The following P4HA1 variants were observed in gnomAD, a reference collection of about 807,000 sequenced individuals.
P4HA1 encodes the protein prolyl 4-hydroxylase subunit alpha-1.
A neutral mutation model predicts 72.8 loss-of-function variants in P4HA1; 24 were observed. That is an observed-to-expected ratio of 0.33 (90% CI 0.24 to 0.46). The LOEUF is 0.46. Among genes scored for constraint, P4HA1 ranks in the 20% least tolerant of loss-of-function variants. P4HA1 has a pLI of 1.00. For synonymous variants in P4HA1, 201 were observed against 218.8 expected, an observed-to-expected ratio of 0.92 and a Z score of 0.72; for missense variants, 446 against 640.6, an observed-to-expected ratio of 0.70 and a Z score of 3.28.
chr10:73,041,729 T>C lies in P4HA1; in HGVS notation c.1148+3252A>G, dbSNP rs889342500. 2.6e-5 allele frequency among the ~76,000 whole-genome samples: 4 copies of C among 152,128 alleles called. No individual in the cohort carries two copies. The East Asian group carries it at 7.7e-4, about 29-fold the overall frequency. Reference sequence around the variant, plus strand: ...CCCCCAGTTTATTACCATTAGATCATATCCCCTTTGTTCATCATACTTCTG... The same window carrying C: ...CCCCCAGTTTATTACCATTAGATCACATCCCCTTTGTTCATCATACTTCTG... On this transcript the variant is annotated intron_variant, in intron 9 of 14. Transcript: ENST00000394890.
chr10:73,077,315 AAG>A (rs1293813010), intron 1 of P4HA1, among the ~76,000 whole-genome samples: 1 of 152,234 alleles, frequency 6.6e-6, no homozygotes, highest in African/African-American at 2.4e-5. Context: ...TAACTCTGAT[AAG>A]AGAGTTTAGA....
chr10:73,043,991 C>T lies in P4HA1; in HGVS notation c.1148+990G>A, dbSNP rs770234279. On this transcript the variant is annotated intron_variant, in intron 9 of 14. Coordinates refer to ENST00000394890, the MANE Select transcript of P4HA1 (RefSeq NM_001017962.3). ...AAAGAGAAAGGACAAGGACTTACTC[C>T]AGTAGCAGGCAATTTTGGGCTTTTT... The T allele has an allele frequency of 2.6e-6, 4 of 1,515,974 alleles. No homozygotes were observed. The South Asian group carries it at 4.6e-5, about 17-fold the overall frequency. 93.9% of individuals were successfully genotyped at this position (1,515,974 alleles called of 1,614,324 possible). A position where few individuals can be genotyped will look rare whatever the true frequency, so the allele number is the denominator to read the frequency against.
At chr10:73,044,660 C>A (rs1840811086) in intron 9 of P4HA1, among the ~76,000 whole-genome samples, 1 of 152,136 alleles carries the variant, frequency 6.6e-6, no homozygotes, top group South Asian at 2.1e-4. Context: ...TGCTTTATTT[C>A]CCCCTTTGGC....
At position 73,078,714 on chromosome 10, in the gene P4HA1, C is replaced by T. The variant is rs553064842; in HGVS notation, c.-32-3799G>A. On this transcript the variant is annotated intron_variant, in intron 1 of 14. Coordinates refer to ENST00000394890, the MANE Select transcript of P4HA1 (RefSeq NM_001017962.3). The stretch of plus-strand genomic sequence containing the variant: ...GCAACCTCCGCCTCCCGGGTTCAAG[C>T]GATTCTCCTGCTTCAGCCTCCCAAG... Among the ~76,000 whole-genome samples, 23 of 146,434 alleles carry T rather than the reference C, an allele frequency of 1.6e-4. No individual in the cohort carries two copies. In the South Asian group the frequency reaches 4.9e-3, roughly 31 times the overall value.
chr10:73,082,656 C>A (rs556539027), intron 1 of P4HA1: 1 of 151,896 alleles, frequency 6.6e-6, no homozygotes, highest in African/African-American at 2.4e-5. Context: ...CACAGGGGTT[C>A]TTTTAACCTT....
chr10:73,016,901 T>G lies in P4HA1; in HGVS notation c.1249-2A>C. ...TCCTCCAACTCCATAATTTGCTACCTGAAGGAAAGACACAAAGCATGAAAG... is the reference window on the plus strand; with the variant it reads ...TCCTCCAACTCCATAATTTGCTACCGGAAGGAAAGACACAAAGCATGAAAG... On this transcript the variant is annotated splice_acceptor_variant, in intron 10 of 14. Transcript: ENST00000394890. LOFTEE classifies it high-confidence loss of function. 1.2e-6 allele frequency: 2 copies of G among 1,608,906 alleles called. No individual in the cohort carries two copies. Among genetic ancestry groups the G allele is most frequent in the Non-Finnish European group, 1.7e-6 (2 of 1,175,754 alleles).
intron 1 of P4HA1, among the ~76,000 whole-genome samples, chr10:73,081,084 T>C (rs1466573963): frequency 6.6e-6 from 1 of 152,118 alleles, no homozygotes. Flanking sequence ...AATTATAAAA[T>C]ATAAATGCCT....
rs778271060 is a variant in P4HA1 at position 73,068,826 on chromosome 10, G to C, written c.463+20C>G. The C allele has an allele frequency of 6.3e-7, 1 of 1,598,750 alleles. No individual in the cohort carries two copies. Among genetic ancestry groups the C allele is most frequent in the African/African-American group, 1.3e-5 (1 of 74,704 alleles). On this transcript the variant is annotated intron_variant, in intron 5 of 14. Transcript: ENST00000394890. ...GAAGCTAGGTGATAGGTATTTTATA[G>C]AATGGAAGAATGATCTTACCTGGAA...
chr10:73,066,452 G>A (rs542617253), intron 5 of P4HA1, among the ~76,000 whole-genome samples: 7 of 152,238 alleles, frequency 4.6e-5, no homozygotes, highest in African/African-American at 1.4e-4. Context: ...AACACATATA[G>A]TAATCTAAAT....
intron 1 of P4HA1, among the ~76,000 whole-genome samples, chr10:73,089,850 C>T (rs555738110): frequency 3.3e-5 from 5 of 152,046 alleles, no homozygotes; most frequent in African/African-American, 9.6e-5. Flanking sequence ...GAAGGGATTA[C>T]AAAAAGTCAT....
At chr10:73,087,855 G>A (rs918933293) in intron 1 of P4HA1, among the ~76,000 whole-genome samples, 1 of 152,112 alleles carries the variant, frequency 6.6e-6, no homozygotes, top group Admixed American at 6.6e-5. Context: ...CTCCCAGTCT[G>A]TGAAGTCTTT....
In P4HA1 at chr10:73,047,068, A is replaced by G; in HGVS notation, c.934T>C (p.Tyr312His). The change falls in exon 8 of 15, where the codon TAC (tyrosine) becomes CAC (histidine). Residue 312 changes from tyrosine to histidine, a missense_variant. Coordinates refer to ENST00000394890, the MANE Select transcript of P4HA1 (RefSeq NM_001017962.3). ...PRRQKKLFCR[Y>H]HDGNRNPKFI... ...TTAGGATTACGGTTTCCATCATGGT[A>G]GCGGCAAAAGAGTTTTTTCTGTCTC... The G allele has an allele frequency of 6.2e-7, 1 of 1,613,814 alleles. No individual in the cohort carries two copies. The highest frequency in any genetic ancestry group is 8.5e-7 in the Non-Finnish European group (1 of 1,179,770).
At chr10:73,068,734 A>G in intron 5 of P4HA1, 112 bp downstream of exon 5, 1 of 873,868 alleles carries the variant, frequency 1.1e-6, no homozygotes, top group Admixed American at 2.1e-5. Context: ...TATGAAACAA[A>G]CTACAATTTA....
At chr10:73,060,307 AATATGAACTTAC>A (rs1329947595) in intron 5 of P4HA1, among the ~76,000 whole-genome samples, 1 of 152,250 alleles carries the variant, frequency 6.6e-6, no homozygotes, top group African/African-American at 2.4e-5. Flanking sequence ...CAATTTGAAC[AATATGAACTTAC>A]ATATTTCCTG....
intron 9 of P4HA1, among the ~76,000 whole-genome samples, chr10:73,034,701 C>T (rs1241471852): frequency 1.3e-5 from 2 of 151,600 alleles, no homozygotes; most frequent in African/African-American, 4.9e-5. Flanking sequence ...GACTCTTCCA[C>T]CTCAGCCTCC....
At chr10:73,011,101 T>TCA in intron 12 of P4HA1, 64 bp from the exon 13 acceptor site, 1 of 1,194,296 alleles carries the variant, frequency 8.4e-7, no homozygotes, top group Non-Finnish European at 1.2e-6. Context: ...TGCCATTATA[T>TCA]AGACTTGATA....
intron 9 of P4HA1, among the ~76,000 whole-genome samples, chr10:73,032,964 G>A (rs926456113): frequency 2.6e-5 from 4 of 152,096 alleles, no homozygotes; most frequent in Admixed American, 1.3e-4. Flanking sequence ...TTTGGGACTG[G>A]CTGAGTATTA....
chr10:73,071,559 A>G (rs1439731608), intron 4 of P4HA1, among the ~76,000 whole-genome samples: 2 of 152,118 alleles, frequency 1.3e-5, no homozygotes, highest in Non-Finnish European at 2.9e-5. Flanking sequence ...TACAAATTGT[A>G]TTGTATCACT....
intron 10 of P4HA1, among the ~76,000 whole-genome samples, chr10:73,027,304 T>C (rs1311329166): frequency 6.6e-6 from 1 of 151,896 alleles, no homozygotes; most frequent in Admixed American, 6.6e-5. Flanking sequence ...TGCAGGGACA[T>C]GGATGAAGCT....
Sources: allele counts gnomAD v4.1 joint callset (sites outside exome capture counted in the v4.1 genomes callset), GRCh38; gene constraint gnomAD v4.1.1; transcripts MANE v1.5; gene names NCBI Gene and HGNC (gene_info 2026-07-23, HGNC 2026-07-21).